PTPRG: variants seen among roughly 807,000 people sequenced by gnomAD.
The protein encoded by PTPRG is protein tyrosine phosphatase receptor type G.
In PTPRG, 102 loss-of-function variants were observed where a neutral mutation model predicts 165.3. The ratio of observed to expected loss-of-function variants is 0.62; its 90% confidence interval spans 0.53 to 0.73. The LOEUF (loss-of-function observed/expected upper bound fraction) is 0.73, where lower values mean the gene tolerates loss of function less well. Among genes scored for constraint, PTPRG ranks in the 30% least tolerant of loss-of-function variants. The probability of loss-of-function intolerance (pLI) is 0.00; values close to 1 mark genes in which losing one functional copy is unlikely to be tolerated. For synonymous variants in PTPRG, 675 were observed against 669.5 expected (o/e 1.01, Z -0.13); for missense variants, 1,866 against 1,861.4 (o/e 1.00, Z -0.05).
intron 3 of PTPRG, among the ~76,000 whole-genome samples, chr3:61,993,745 T>A (rs1446084031): frequency 6.6e-6 from 1 of 152,238 alleles, no homozygotes; most frequent in Non-Finnish European, 1.5e-5. Flanking sequence ...TTTGTGGAAC[T>A]TTATATTCCA....
chr3:61,869,033 G>A (rs138961202), intron 2 of PTPRG, among the ~76,000 whole-genome samples: 1 of 151,872 alleles, frequency 6.6e-6, no homozygotes, highest in Admixed American at 6.6e-5. Context: ...TAAAGCATTA[G>A]GAGGACGGCA....
chr3:61,861,587 C>T (rs1296615616), intron 2 of PTPRG, among the ~76,000 whole-genome samples: 7 of 152,180 alleles, frequency 4.6e-5, no homozygotes, highest in African/African-American at 1.4e-4. Context: ...AAGTACTGTT[C>T]TCTGCTATTG....
intron 2 of PTPRG, among the ~76,000 whole-genome samples, chr3:61,825,159 C>A (rs1430318062): frequency 1.3e-5 from 2 of 152,128 alleles, no homozygotes; most frequent in Non-Finnish European, 2.9e-5. Context: ...AGTCACAAAG[C>A]CTGAAGAAAG....
intron 1 of PTPRG, among the ~76,000 whole-genome samples, chr3:61,734,212 T>C (rs1259165417): frequency 6.6e-6 from 1 of 152,230 alleles, no homozygotes; most frequent in South Asian, 2.1e-4. Context: ...GAAACACTGG[T>C]TCTTGAATAA....
intron 1 of PTPRG, among the ~76,000 whole-genome samples, chr3:61,677,784 A>G (rs1473691277): frequency 2.6e-5 from 4 of 152,112 alleles, no homozygotes; most frequent in African/African-American, 9.7e-5. Flanking sequence ...TAAGCTAGTG[A>G]TTTCTGGAAA....
chr3:62,269,563 C>T (rs1362273678), intron 20 of PTPRG, among the ~76,000 whole-genome samples: 3 of 152,126 alleles, frequency 2.0e-5, no homozygotes, highest in African/African-American at 4.8e-5. Context: ...TTCTTGTAAA[C>T]ATCAGATTCT....
chr3:62,007,992 A>G (rs9311833), intron 4 of PTPRG, among the ~76,000 whole-genome samples: 53,059 of 152,130 alleles, frequency 0.35, 9,403 homozygotes, highest in African/African-American at 0.41. Context: ...AAACAAACTC[A>G]GAATATTCCA....
chr3:61,597,090 A>G (rs932404628), intron 1 of PTPRG, among the ~76,000 whole-genome samples: 1 of 152,070 alleles, frequency 6.6e-6, no homozygotes, highest in African/African-American at 2.4e-5. Flanking sequence ...GGAAGGGGCA[A>G]ACTAGTCCTT....
At chr3:61,723,022 G>A (rs1485203383) in intron 1 of PTPRG, among the ~76,000 whole-genome samples, 2 of 151,998 alleles carry the variant, frequency 1.3e-5, no homozygotes, top group Non-Finnish European at 2.9e-5. Flanking sequence ...TTGGTTTTGT[G>A]ACCCAACCCT....
chr3:62,037,713 A>G (rs1699993829), intron 4 of PTPRG, among the ~76,000 whole-genome samples: 1 of 152,218 alleles, frequency 6.6e-6, no homozygotes, highest in African/African-American at 2.4e-5. Context: ...GGCTTAAATA[A>G]GAAATTAATT....
At chr3:61,669,296 G>A (rs2107059565) in intron 1 of PTPRG, among the ~76,000 whole-genome samples, 1 of 152,206 alleles carries the variant, frequency 6.6e-6, no homozygotes, top group South Asian at 2.1e-4. Context: ...GAGACATTAT[G>A]AGTTGTTCAC....
intron 1 of PTPRG, among the ~76,000 whole-genome samples, chr3:61,701,056 T>G (rs2030925878): frequency 6.6e-6 from 1 of 152,030 alleles, no homozygotes; most frequent in African/African-American, 2.4e-5. Context: ...AGTGGGAGCT[T>G]TAATAGTTGC....
chr3:61,596,990 T>A (rs1050434423), intron 1 of PTPRG, among the ~76,000 whole-genome samples: 2 of 152,146 alleles, frequency 1.3e-5, no homozygotes, highest in Non-Finnish European at 2.9e-5. Flanking sequence ...TTTTGGAGGC[T>A]GGGAAGTCCA....
intron 5 of PTPRG, among the ~76,000 whole-genome samples, chr3:62,081,116 G>T (rs1701557479): frequency 6.6e-6 from 1 of 151,824 alleles, no homozygotes; most frequent in East Asian, 2.0e-4. Flanking sequence ...AATTAGCCGG[G>T]CGTGGTGGCG....
At chr3:61,866,539 ATTACAC>A (rs1439644598) in intron 2 of PTPRG, among the ~76,000 whole-genome samples, 1 of 146,002 alleles carries the variant, frequency 6.8e-6, no homozygotes, top group African/African-American at 2.5e-5. Flanking sequence ...TTCTGTAAAA[ATTACAC>A]TTACACAGAG....
chr3:61,745,142 C>T (rs1049390755), intron 1 of PTPRG, among the ~76,000 whole-genome samples: 3 of 150,816 alleles, frequency 2.0e-5, no homozygotes, highest in Non-Finnish European at 2.9e-5. Flanking sequence ...GCTCCGCCTC[C>T]TGGGTTCAAG....
intron 2 of PTPRG, among the ~76,000 whole-genome samples, chr3:61,856,906 A>C (rs968650433): frequency 2.6e-5 from 4 of 152,210 alleles, no homozygotes; most frequent in African/African-American, 9.6e-5. Context: ...AAGTCACATA[A>C]GCAGTACTGC....
At chr3:61,923,783 A>G (rs1187996197) in intron 2 of PTPRG, among the ~76,000 whole-genome samples, 1 of 134,540 alleles carries the variant, frequency 7.4e-6, no homozygotes, top group Non-Finnish European at 1.5e-5. Context: ...TGGGAGGCCC[A>G]CCTCAGCCTC....
At chr3:61,872,030 T>G (rs192079660) in intron 2 of PTPRG, among the ~76,000 whole-genome samples, 78 of 152,340 alleles carry the variant, frequency 5.1e-4, no homozygotes, top group Non-Finnish European at 9.0e-4. Flanking sequence ...TGCTTCCTTC[T>G]AGGATAACAG....
Sources: allele counts gnomAD v4.1 joint callset (sites outside exome capture counted in the v4.1 genomes callset), GRCh38; gene constraint gnomAD v4.1.1; transcripts MANE v1.5; gene names NCBI Gene and HGNC (gene_info 2026-07-23, HGNC 2026-07-21).